The following PKIG variants were observed in gnomAD, a reference collection of about 807,000 sequenced individuals.
The protein encoded by PKIG is protein kinase (cAMP-dependent, catalytic) inhibitor gamma.
Under a neutral mutation model 6.8 loss-of-function variants are expected in PKIG, and 1 was observed. That is an observed-to-expected ratio of 0.15 (90% CI 0.05 to 0.69). The LOEUF (loss-of-function observed/expected upper bound fraction) is 0.69. PKIG is among the 30% of genes least tolerant of loss of function. PKIG has a pLI of 0.82. For missense variants in PKIG, 77 were observed against 104.0 expected, an observed-to-expected ratio of 0.74 and a Z score of 1.13; for synonymous variants, 39 against 43.0, an observed-to-expected ratio of 0.91 and a Z score of 0.36.
intron 2 of PKIG, chr20:44,598,539 T>C (rs906143002): frequency 6.6e-6 from 1 of 151,942 alleles, no homozygotes; most frequent in African/African-American, 2.4e-5. Context: ...AGACCTGGAG[T>C]GTGACCCAGC....
At chr20:44,606,701 T>C (rs1232316376) in intron 2 of PKIG, among the ~76,000 whole-genome samples, 2 of 152,168 alleles carry the variant, frequency 1.3e-5, no homozygotes, top group African/African-American at 2.4e-5. Flanking sequence ...CCCAGCTACT[T>C]GGGAGGCTGA....
At chr20:44,615,553 CCA>C (rs1449195156) in intron 3 of PKIG, among the ~76,000 whole-genome samples, 1 of 151,528 alleles carries the variant, frequency 6.6e-6, no homozygotes, top group Non-Finnish European at 1.5e-5. Context: ...TGGCTCAAGT[CCA>C]CAGTCAGCCT....
chr20:44,580,038 C>T (rs1378068693), upstream of PKIG, among the ~76,000 whole-genome samples: 1 of 152,176 alleles, frequency 6.6e-6, no homozygotes, highest in Non-Finnish European at 1.5e-5. Context: ...AATACAGGAC[C>T]CTTTTGACTT....
Position 44,562,179 on chromosome 20 carries a change from A to G in PKIG, c.-240-20406A>G, listed in dbSNP as rs544133154. Reference sequence around the variant, plus strand: ...ATGAAAAGAGTAGAAGTTATGAAGTATAAAGCAAATGTATAGCAGGGAAAA... The same window carrying G: ...ATGAAAAGAGTAGAAGTTATGAAGTGTAAAGCAAATGTATAGCAGGGAAAA... On this transcript the variant is annotated intron_variant, in intron 1 of 4. Coordinates refer to the PKIG transcript ENST00000372887. 5.3e-5 allele frequency among the ~76,000 whole-genome samples: 8 copies of G among 152,278 alleles called. No individual in the cohort carries two copies. In the South Asian group the frequency reaches 1.7e-3, roughly 32 times the overall value.
intron 1 of PKIG, among the ~76,000 whole-genome samples, chr20:44,568,921 C>G (rs1440963215): frequency 6.6e-6 from 1 of 152,180 alleles, no homozygotes; most frequent in Non-Finnish European, 1.5e-5. Flanking sequence ...AAGTGAACAA[C>G]TTTAAGTCAA....
intron 2 of PKIG, among the ~76,000 whole-genome samples, chr20:44,590,232 A>G (rs573910577): frequency 4.4e-4 from 67 of 152,294 alleles, no homozygotes; most frequent in Non-Finnish European, 7.9e-4. Flanking sequence ...CTCTCCACCA[A>G]GTGTTTGCTG....
intron 1 of PKIG, among the ~76,000 whole-genome samples, chr20:44,540,849 T>TG (rs1470961268): frequency 6.6e-6 from 1 of 152,212 alleles, no homozygotes; most frequent in African/African-American, 2.4e-5. Flanking sequence ...CCCCAAGTAC[T>TG]GGGATTACAG....
intron 1 of PKIG, among the ~76,000 whole-genome samples, chr20:44,566,151 C>G (rs2064808987): frequency 2.0e-5 from 3 of 152,196 alleles, no homozygotes; most frequent in Non-Finnish European, 4.4e-5. Context: ...GAAACTATGG[C>G]CTGCAGGCAA....
At chr20:44,593,701 G>A (rs749677178) in intron 2 of PKIG, among the ~76,000 whole-genome samples, 15 of 152,278 alleles carry the variant, frequency 9.9e-5, no homozygotes, top group Admixed American at 3.3e-4. Context: ...GGTAATTACA[G>A]TTAATAATAT....
chr20:44,592,365 C>G (rs1489698591), intron 2 of PKIG, among the ~76,000 whole-genome samples: 1 of 152,178 alleles, frequency 6.6e-6, no homozygotes, highest in African/African-American at 2.4e-5. Flanking sequence ...GACAGCTGTT[C>G]TCTTACAAAC....
upstream of PKIG, among the ~76,000 whole-genome samples, chr20:44,579,420 G>T (rs780809713): frequency 1.7e-4 from 26 of 152,340 alleles, no homozygotes; most frequent in Non-Finnish European, 3.5e-4. Context: ...TAGTGCAAGG[G>T]GGTTGTGGAT....
upstream of PKIG, among the ~76,000 whole-genome samples, chr20:44,581,052 T>G (rs545364841): frequency 1.3e-5 from 2 of 152,308 alleles, no homozygotes; most frequent in South Asian, 4.1e-4. Flanking sequence ...CGGCAACCAC[T>G]TTGAGAAATG....
At chr20:44,560,921 A>T (rs1039411648) in intron 1 of PKIG, among the ~76,000 whole-genome samples, 1 of 152,264 alleles carries the variant, frequency 6.6e-6, no homozygotes, top group Non-Finnish European at 1.5e-5. Flanking sequence ...ATAAGATACC[A>T]TGAAAAGAAT....
At chr20:44,539,312 T>C (rs1447031647) in intron 1 of PKIG, among the ~76,000 whole-genome samples, 2 of 152,140 alleles carry the variant, frequency 1.3e-5, no homozygotes, top group East Asian at 3.9e-4. Context: ...GTATTAGACC[T>C]GATTGATGAT....
At chr20:44,617,176 A>G (rs1013088266) in intron 3 of PKIG, among the ~76,000 whole-genome samples, 1 of 152,118 alleles carries the variant, frequency 6.6e-6, no homozygotes, top group Non-Finnish European at 1.5e-5. Context: ...GGAGCTTGCT[A>G]TAGGGTGGTG....
intron 1 of PKIG, among the ~76,000 whole-genome samples, chr20:44,547,518 G>C (rs1453917760): frequency 6.6e-6 from 1 of 152,126 alleles, no homozygotes; most frequent in Non-Finnish European, 1.5e-5. Flanking sequence ...CATAGGAGTT[G>C]TCTTGAGGAT....
At chr20:44,587,248 GC>G (rs1483233755) in intron 1 of PKIG, among the ~76,000 whole-genome samples, 2 of 152,242 alleles carry the variant, frequency 1.3e-5, no homozygotes, top group African/African-American at 2.4e-5. Context: ...ATGCACAAGT[GC>G]TACAAAACAC....
At chr20:44,557,525 A>AAG (rs1404404802) in intron 1 of PKIG, among the ~76,000 whole-genome samples, 26 of 149,838 alleles carry the variant, frequency 1.7e-4, no homozygotes, top group African/African-American at 6.2e-4. Context: ...GGTGACAAAA[A>AAG]AAAAAAAAAA....
At chr20:44,572,392 A>G (rs2064861474) in intron 1 of PKIG, among the ~76,000 whole-genome samples, 1 of 152,236 alleles carries the variant, frequency 6.6e-6, no homozygotes, top group Non-Finnish European at 1.5e-5. Context: ...ATATACATGT[A>G]TTATAATTTA....
Sources: allele counts gnomAD v4.1 joint callset (sites outside exome capture counted in the v4.1 genomes callset), GRCh38; gene constraint gnomAD v4.1.1; transcripts MANE v1.5; gene names NCBI Gene and HGNC (gene_info 2026-07-23, HGNC 2026-07-21).